Variants in CLEC16A observed in about 807,000 individuals in gnomAD.
The protein encoded by CLEC16A is C-type lectin domain containing 16A, also known as protein CLEC16A.
Under a neutral mutation model 109.5 loss-of-function variants are expected in CLEC16A, and 51 were observed. The observed-to-expected ratio is 0.47, with a 90% CI of 0.37 to 0.59. CLEC16A has a LOEUF of 0.59. CLEC16A is among the 20% of genes least tolerant of loss of function. The pLI, the probability that CLEC16A is intolerant of heterozygous loss-of-function variation, is 0.00. For synonymous variants in CLEC16A, 673 were observed against 564.2 expected (o/e 1.19, Z -2.73); for missense variants, 1,339 against 1,394.0 (o/e 0.96, Z 0.63).
intron 19 of CLEC16A, among the ~76,000 whole-genome samples, chr16:11,095,817 GAAAA>G (rs34366897): frequency 1.9e-5 from 2 of 105,874 alleles, no homozygotes; most frequent in African/African-American, 3.5e-5. Flanking sequence ...GTCTCAAAAA[GAAAA>G]AAAAAAAAAA....
intron 22 of CLEC16A, among the ~76,000 whole-genome samples, chr16:11,133,675 GTCA>G (rs77795917): frequency 0.03 from 4,639 of 152,316 alleles, 83 homozygotes; most frequent in Middle Eastern, 0.044. Flanking sequence ...AGGTGCTAAT[GTCA>G]TCTCATGGTG....
At chr16:11,025,478 C>T (rs969990171) in intron 13 of CLEC16A, among the ~76,000 whole-genome samples, 1 of 152,180 alleles carries the variant, frequency 6.6e-6, no homozygotes, top group Non-Finnish European at 1.5e-5. Flanking sequence ...TTCATTCATT[C>T]ACCGCCTTGC....
At chr16:11,054,806 GA>G in intron 18 of CLEC16A, among the ~76,000 whole-genome samples, 1 of 152,296 alleles carries the variant, frequency 6.6e-6, no homozygotes, top group South Asian at 2.1e-4. Flanking sequence ...AATGTGCTTT[GA>G]ATCTGAGCTA....
At position 11,030,975 on chromosome 16, in the gene CLEC16A, G is replaced by A. The variant is rs188055644; in HGVS notation, c.1537+6054G>A. On this transcript the variant is annotated intron_variant, in intron 13 of 23. Coordinates refer to ENST00000409790, the MANE Select transcript of CLEC16A (RefSeq NM_015226.3). Reference sequence around the variant, plus strand: ...TAGCAATGATTTCCCCCAAGTCTGTGGCATGTCTTTTCATTTTCATAACAA... The same window carrying A: ...TAGCAATGATTTCCCCCAAGTCTGTAGCATGTCTTTTCATTTTCATAACAA... Among the ~76,000 whole-genome samples the A allele has an allele frequency of 8.7e-4, 132 of 152,322 alleles. 1 individual carries two copies. The highest frequency in any genetic ancestry group is 3.1e-3 in the African/African-American group (127 of 41,572).
chr16:11,129,853 C>A (rs1435437300), intron 22 of CLEC16A, among the ~76,000 whole-genome samples: 1 of 151,792 alleles, frequency 6.6e-6, no homozygotes, highest in Non-Finnish European at 1.5e-5. Flanking sequence ...AGCTCCGCCT[C>A]CCGGGTTCAC....
intron 22 of CLEC16A, among the ~76,000 whole-genome samples, chr16:11,156,885 G>T (rs903442211): frequency 6.6e-6 from 1 of 150,562 alleles, no homozygotes; most frequent in African/African-American, 2.5e-5. Flanking sequence ...TAAGATGCAC[G>T]CATTCCTCAT....
intron 12 of CLEC16A, among the ~76,000 whole-genome samples, chr16:11,022,020 T>C (rs79700767): frequency 0.033 from 5,007 of 152,280 alleles, 283 homozygotes; most frequent in African/African-American, 0.11. Context: ...TCTTTTTTTC[T>C]GAATTTTGGT....
chr16:10,990,039 G>A (rs548200352), intron 10 of CLEC16A, among the ~76,000 whole-genome samples: 10 of 152,306 alleles, frequency 6.6e-5, no homozygotes, highest in Middle Eastern at 6.8e-3. Flanking sequence ...CTGGTTCCAA[G>A]GCGCGCACAT....
chr16:10,961,221 T>A lies in CLEC16A; in HGVS notation c.210-1234T>A, dbSNP rs2042235766. On this transcript the variant is annotated intron_variant, in intron 2 of 23. Coordinates refer to ENST00000409790, the MANE Select transcript of CLEC16A (RefSeq NM_015226.3). The surrounding 1 kb of genome is among the most constrained non-coding windows in gnomAD (Gnocchi z 4.3). Reference sequence around the variant, plus strand: ...GACAGAAATACTCTGGAGGTCAACATGAATGGCATTTACAGGCAGATGGGC... The same window carrying A: ...GACAGAAATACTCTGGAGGTCAACAAGAATGGCATTTACAGGCAGATGGGC... 6.6e-6 allele frequency among the ~76,000 whole-genome samples: 1 copy of A among 152,204 alleles called. No homozygotes were observed. The highest frequency in any genetic ancestry group is 2.1e-4 in the South Asian group (1 of 4,824).
At chr16:11,152,351 G>T (rs1008640632) in intron 22 of CLEC16A, among the ~76,000 whole-genome samples, 3 of 152,228 alleles carry the variant, frequency 2.0e-5, no homozygotes, top group African/African-American at 4.8e-5. Flanking sequence ...GTCTGCATGG[G>T]TCTGACAGAT....
intron 23 of CLEC16A, among the ~76,000 whole-genome samples, chr16:11,176,911 TA>T (rs1366129664): frequency 2.0e-5 from 3 of 152,256 alleles, no homozygotes; most frequent in Non-Finnish European, 2.9e-5. Context: ...TGCCTGCTTT[TA>T]TTTCGTTCTT....
rs1332097728 is a variant in CLEC16A, at chr16:10,977,400, G to T, written c.903+1G>T. 6.2e-7 allele frequency: 1 copy of T among 1,612,532 alleles called. No homozygotes were observed. Among genetic ancestry groups the T allele is most frequent in the Non-Finnish European group, 8.5e-7 (1 of 1,179,200 alleles). ...GTACTCACTGGAGAACCAGGACAAG[G>T]TGGGTCCAGCCCCGTGGCTCCCGCT... On this transcript the variant is annotated splice_donor_variant, in intron 8 of 23. Coordinates refer to ENST00000409790, the MANE Select transcript of CLEC16A (RefSeq NM_015226.3). LOFTEE classifies it high-confidence loss of function.
chr16:11,088,084 TGTCTCGAAAGGG>T (rs1287531927), intron 19 of CLEC16A, among the ~76,000 whole-genome samples: 1 of 152,242 alleles, frequency 6.6e-6, no homozygotes, highest in Non-Finnish European at 1.5e-5. Flanking sequence ...GGGGGCTCTC[TGTCTCGAAAGGG>T]GCCTCTGTGC....
At chr16:10,986,190 C>T (rs2043645559) in intron 10 of CLEC16A, among the ~76,000 whole-genome samples, 1 of 151,654 alleles carries the variant, frequency 6.6e-6, no homozygotes, top group Admixed American at 6.6e-5. Context: ...GCCCCCACAC[C>T]CGGCTCATTT....
chr16:11,124,634 G>A (rs769966877), intron 21 of CLEC16A, among the ~76,000 whole-genome samples: 5 of 152,174 alleles, frequency 3.3e-5, no homozygotes, highest in Non-Finnish European at 7.3e-5. Context: ...CCTTCTCCTC[G>A]GCGTGGGGGG....
At chr16:11,082,704 A>T (rs953102144) in intron 19 of CLEC16A, among the ~76,000 whole-genome samples, 1 of 152,222 alleles carries the variant, frequency 6.6e-6, no homozygotes, top group Admixed American at 6.5e-5. Context: ...CTGGAAGGAA[A>T]GGAACGCTTT....
At chr16:11,148,979 TAG>T (rs1385965989) in intron 22 of CLEC16A, among the ~76,000 whole-genome samples, 1 of 152,092 alleles carries the variant, frequency 6.6e-6, no homozygotes, top group East Asian at 1.9e-4. Flanking sequence ...AAAAAACTAA[TAG>T]AGTTTCCCGG....
intron 22 of CLEC16A, among the ~76,000 whole-genome samples, chr16:11,152,185 G>A (rs2153080178): frequency 6.6e-6 from 1 of 152,342 alleles, no homozygotes; most frequent in South Asian, 2.1e-4. Context: ...GATCTCAAAT[G>A]TAGTGCTGTC....
rs1340949787 is a variant in CLEC16A, at chr16:11,174,216, G to T, written c.2807-4119G>T. Reference sequence around the variant, plus strand: ...CCTGTCGGAGGCCGACAGTCATGGCGGCCACTGGGTTTAGTGCTCCGAACG... The same window carrying T: ...CCTGTCGGAGGCCGACAGTCATGGCTGCCACTGGGTTTAGTGCTCCGAACG... On this transcript the variant is annotated intron_variant, in intron 23 of 23. Transcript: ENST00000409790. This position sits in a 1 kb window ranked among gnomAD's most constrained non-coding sequence, Gnocchi z 4.7. 1 of 469,136 alleles carries T rather than the reference G, an allele frequency of 2.1e-6. No individual in the cohort carries two copies. 29.1% of individuals were successfully genotyped at this position (469,136 alleles called of 1,614,324 possible). A position where few individuals can be genotyped will look rare whatever the true frequency, so the allele number is the denominator to read the frequency against.
Sources: allele counts gnomAD v4.1 joint callset (sites outside exome capture counted in the v4.1 genomes callset), GRCh38; gene constraint gnomAD v4.1.1; non-coding constraint Gnocchi (gnomAD v3.1); transcripts MANE v1.5; gene names NCBI Gene and HGNC (gene_info 2026-07-23, HGNC 2026-07-21).